The following ABCA12 variants were observed in gnomAD, a reference collection of about 807,000 sequenced individuals.
The protein encoded by ABCA12 is glucosylceramide transporter ABCA12.
In ABCA12, 156 loss-of-function variants were observed where a neutral mutation model predicts 293.5. That is an observed-to-expected ratio of 0.53 (90% CI 0.47 to 0.61). The LOEUF (loss-of-function observed/expected upper bound fraction) is 0.61. Among genes scored for constraint, ABCA12 ranks in the 20% least tolerant of loss-of-function variants. The pLI is 0.00. For missense variants in ABCA12, 2,797 were observed against 3,090.2 expected (o/e 0.91, Z 2.25); for synonymous variants, 1,063 against 1,108.0 (o/e 0.96, Z 0.81).
intron 51 of ABCA12, among the ~76,000 whole-genome samples, chr2:214,934,599 T>C (rs1384304751): frequency 6.6e-6 from 1 of 152,202 alleles, no homozygotes; most frequent in Non-Finnish European, 1.5e-5. Context: ...AGAAGTGTTC[T>C]AAAACGCTAA....
chr2:214,954,671 T>C (rs1184378359), intron 43 of ABCA12, among the ~76,000 whole-genome samples: 2 of 152,218 alleles, frequency 1.3e-5, no homozygotes, highest in African/African-American at 2.4e-5. Context: ...TCATTTCCTC[T>C]CTATTCTTTT....
At chr2:214,951,740 G>C (rs945351457) in intron 44 of ABCA12, among the ~76,000 whole-genome samples, 1 of 152,192 alleles carries the variant, frequency 6.6e-6, no homozygotes, top group Admixed American at 6.5e-5. Flanking sequence ...CTGGGCGACA[G>C]AGCAAGACTC....
chr2:215,011,102 A>G (rs1700362080), intron 17 of ABCA12, among the ~76,000 whole-genome samples: 1 of 152,210 alleles, frequency 6.6e-6, no homozygotes, highest in Non-Finnish European at 1.5e-5. Context: ...TATATTGTCT[A>G]GAAGGCTCAG....
At chr2:214,932,962 T>C (rs1480623133) in intron 52 of ABCA12, among the ~76,000 whole-genome samples, 1 of 152,114 alleles carries the variant, frequency 6.6e-6, no homozygotes, top group Non-Finnish European at 1.5e-5. Context: ...AGCACCTATA[T>C]CTATGACCAT....
intron 2 of ABCA12, among the ~76,000 whole-genome samples, chr2:215,070,740 AAG>A (rs1277281906): frequency 2.0e-5 from 3 of 152,070 alleles, no homozygotes; most frequent in Non-Finnish European, 2.9e-5. Flanking sequence ...AGACAGAAAA[AAG>A]AGAGAGTATG....
intron 6 of ABCA12, among the ~76,000 whole-genome samples, chr2:215,048,435 C>G (rs561821007): frequency 2.6e-5 from 4 of 152,114 alleles, no homozygotes; most frequent in South Asian, 4.1e-4. Context: ...TGGCTCACGT[C>G]TATAATCCCA....
intron 2 of ABCA12, among the ~76,000 whole-genome samples, chr2:215,087,252 T>C (rs999697617): frequency 6.6e-6 from 1 of 152,184 alleles, no homozygotes; most frequent in Non-Finnish European, 1.5e-5. Flanking sequence ...CAGTTAATTA[T>C]TAATATTGTC....
intron 2 of ABCA12, among the ~76,000 whole-genome samples, chr2:215,098,430 G>A (rs1484175129): frequency 6.6e-6 from 1 of 152,120 alleles, no homozygotes; most frequent in Non-Finnish European, 1.5e-5. Flanking sequence ...TGCCCTTTCA[G>A]CAAATATGAC....
intron 50 of ABCA12, among the ~76,000 whole-genome samples, chr2:214,941,949 C>T (rs955395845): frequency 2.6e-5 from 4 of 152,058 alleles, no homozygotes; most frequent in East Asian, 1.9e-4. Flanking sequence ...GCATTTAGCC[C>T]GTTTACATTT....
chr2:215,090,249 AG>A (rs1426450571), intron 2 of ABCA12, among the ~76,000 whole-genome samples: 2 of 152,132 alleles, frequency 1.3e-5, no homozygotes. Flanking sequence ...GTAATTAAAA[AG>A]CTTTATTGCT....
At chr2:214,941,187 G>C (rs767930618) in intron 50 of ABCA12, among the ~76,000 whole-genome samples, 1 of 152,126 alleles carries the variant, frequency 6.6e-6, no homozygotes, top group Non-Finnish European at 1.5e-5. Flanking sequence ...TGGTTTCAAA[G>C]AACTTATTTA....
intron 1 of ABCA12, among the ~76,000 whole-genome samples, chr2:215,134,360 A>G (rs1026870289): frequency 7.1e-6 from 1 of 140,866 alleles, no homozygotes; most frequent in Non-Finnish European, 1.5e-5. Context: ...GTATATATGT[A>G]TATGTGTATA....
intron 40 of ABCA12, 132 bp from the exon 41 acceptor site, chr2:214,958,586 A>G: frequency 1.1e-6 from 1 of 894,046 alleles, no homozygotes; most frequent in Non-Finnish European, 1.8e-6. Flanking sequence ...GGCATCCTGC[A>G]AGGCAGCCAG....
At chr2:215,015,714 A>G in intron 14 of ABCA12, 51 bp from the exon 15 acceptor site, 3 of 1,565,282 alleles carry the variant, frequency 1.9e-6, no homozygotes, top group Non-Finnish European at 1.8e-6. Context: ...TCGAGAGTCA[A>G]CTGTTCATTT....
At chr2:214,988,930 G>C (rs1699846332) in intron 26 of ABCA12, among the ~76,000 whole-genome samples, 1 of 151,396 alleles carries the variant, frequency 6.6e-6, no homozygotes, top group Admixed American at 6.6e-5. Flanking sequence ...CGTAATCCCA[G>C]CACTTTGGGA....
intron 28 of ABCA12, among the ~76,000 whole-genome samples, chr2:214,984,450 A>G (rs188299721): frequency 1.3e-5 from 2 of 152,244 alleles, no homozygotes; most frequent in Admixed American, 6.5e-5. Flanking sequence ...ATACCCATGC[A>G]CTTTCCTGAC....
intron 36 of ABCA12, among the ~76,000 whole-genome samples, chr2:214,971,145 T>C (rs942541959): frequency 3.3e-5 from 5 of 152,118 alleles, no homozygotes; most frequent in Non-Finnish European, 2.9e-5. Context: ...TCATGCTTCA[T>C]TGCAATGAAG....
At chr2:215,017,005 T>A (rs1700519307) in intron 14 of ABCA12, among the ~76,000 whole-genome samples, 2 of 152,184 alleles carry the variant, frequency 1.3e-5, no homozygotes, top group Non-Finnish European at 2.9e-5. Context: ...TGAAATTATA[T>A]CTTAGGATCA....
At chr2:215,007,556 T>C (rs1003803996) in intron 19 of ABCA12, among the ~76,000 whole-genome samples, 171 bp downstream of exon 19, 2 of 152,218 alleles carry the variant, frequency 1.3e-5, no homozygotes, top group African/African-American at 2.4e-5. Context: ...TAGCCAATTA[T>C]GAATATGAGT....
Sources: allele counts gnomAD v4.1 joint callset (sites outside exome capture counted in the v4.1 genomes callset), GRCh38; gene constraint gnomAD v4.1.1; transcripts MANE v1.5; gene names NCBI Gene and HGNC (gene_info 2026-07-23, HGNC 2026-07-21).